BAZ1A: variants seen among roughly 807,000 people sequenced by gnomAD.
BAZ1A encodes the protein bromodomain adjacent to zinc finger domain protein 1A.
A neutral mutation model predicts 185.2 loss-of-function variants in BAZ1A; 50 were observed. The ratio of observed to expected loss-of-function variants is 0.27; its 90% confidence interval spans 0.22 to 0.34. BAZ1A has a LOEUF of 0.34. Among genes scored for constraint, BAZ1A ranks in the 10% least tolerant of loss-of-function variants. BAZ1A has a pLI of 1.00. For synonymous variants in BAZ1A, 571 were observed against 615.6 expected (o/e 0.93, Z 1.07); for missense variants, 1,356 against 1,839.9 (o/e 0.74, Z 4.81).
intron 14 of BAZ1A, among the ~76,000 whole-genome samples, chr14:34,784,384 A>C (rs987923163): frequency 1.3e-5 from 2 of 150,574 alleles, no homozygotes; most frequent in African/African-American, 4.9e-5. Flanking sequence ...AAAAAAAAAA[A>C]AAAAAAAAAA....
At chr14:34,789,665 G>A (rs2138626773) in intron 12 of BAZ1A, among the ~76,000 whole-genome samples, 1 of 152,230 alleles carries the variant, frequency 6.6e-6, no homozygotes, top group Non-Finnish European at 1.5e-5. Context: ...CATGATATAA[G>A]ACTAAAGAGA....
At chr14:34,803,894 C>T (rs1225245514) in intron 6 of BAZ1A, among the ~76,000 whole-genome samples, 1 of 152,204 alleles carries the variant, frequency 6.6e-6, no homozygotes, top group Non-Finnish European at 1.5e-5. Flanking sequence ...AGAAGTCAAA[C>T]TCATTCTTGC....
At chr14:34,844,627 T>C (rs1023252832) in intron 3 of BAZ1A, among the ~76,000 whole-genome samples, 2 of 150,846 alleles carry the variant, frequency 1.3e-5, no homozygotes, top group South Asian at 4.2e-4. Flanking sequence ...AAAAAAAAAT[T>C]AAAAATTAGC....
Position 34,783,154 on chromosome 14 carries a change from A to T in BAZ1A, c.2076T>A (p.Asp692Glu), listed in dbSNP as rs1236373741. ...MKEKQEKLKE[D>E]EQRNSTADIS... is the part of the protein sequence containing the mutation. Reference sequence around the variant, plus strand: ...TATCTGCCGTTGAATTTCTTTGCTCATCTTCTTTCAGTTTTTCTTGTTTCT... The same window carrying T: ...TATCTGCCGTTGAATTTCTTTGCTCTTCTTCTTTCAGTTTTTCTTGTTTCT... The change falls in exon 16 of 27, where the codon GAT becomes GAA. Residue 692 changes from aspartate to glutamate, a missense_variant. Physicochemically the swap from Asp to Glu is conservative, Grantham distance 45. Around this residue, in one of 7 missense-constraint regions of BAZ1A, gnomAD observed 434 missense variants for 561.7 expected, o/e 0.77. Transcript: ENST00000360310. 13 of 1,607,710 alleles carry T rather than the reference A, an allele frequency of 8.1e-6. No individual in the cohort carries two copies. The East Asian group carries it at 1.1e-4, about 14-fold the overall frequency.
At chr14:34,798,342 T>C (rs1426018498) in intron 9 of BAZ1A, among the ~76,000 whole-genome samples, 2 of 152,210 alleles carry the variant, frequency 1.3e-5, no homozygotes, top group South Asian at 2.1e-4. Context: ...AGCATGGTTT[T>C]TGAACTCTGA....
At chr14:34,865,694 A>G (rs1378550402) in intron 2 of BAZ1A, among the ~76,000 whole-genome samples, 2 of 152,230 alleles carry the variant, frequency 1.3e-5, no homozygotes, top group Non-Finnish European at 2.9e-5. Context: ...TTCAGTACAA[A>G]GAAGATCCTT....
chr14:34,844,794 C>A (rs1200376946), intron 3 of BAZ1A, among the ~76,000 whole-genome samples: 1 of 151,136 alleles, frequency 6.6e-6, no homozygotes, highest in Non-Finnish European at 1.5e-5. Context: ...CACACACACA[C>A]ACACACACAC....
intron 3 of BAZ1A, among the ~76,000 whole-genome samples, chr14:34,860,160 A>C (rs1273590118): frequency 2.0e-5 from 3 of 152,118 alleles, no homozygotes; most frequent in Non-Finnish European, 4.4e-5. Context: ...AACAGAGTAC[A>C]TTCAGAATGT....
intron 12 of BAZ1A, among the ~76,000 whole-genome samples, chr14:34,789,523 ATATT>A (rs1880706510): frequency 6.6e-6 from 1 of 152,220 alleles, no homozygotes; most frequent in East Asian, 1.9e-4. Context: ...TGCAACAGAT[ATATT>A]TATTGTCATG....
Position 34,862,268 on chromosome 14 carries a change from C to G in BAZ1A, c.168G>C (p.Val56=), listed in dbSNP as rs1407518198. The part of the protein sequence containing the change: ...LCNSLVWSCA[V]TGRPGLTYQE... ...GATACGTCAGTCCAGGTCTACCCGT[C>G]ACAGCACAACTCCACACAAGGCTGT... is the stretch of plus-strand genomic sequence containing the variant. Residue 56 remains valine, a synonymous_variant, in exon 3 of 27, where the codon GTG becomes GTC. Coordinates refer to ENST00000360310, the MANE Select transcript of BAZ1A (RefSeq NM_013448.3). The G allele has an allele frequency of 1.9e-6, 3 of 1,614,048 alleles. No individual in the cohort carries two copies. Among genetic ancestry groups the G allele is most frequent in the Admixed American group, 1.7e-5 (1 of 59,990 alleles).
chr14:34,756,464 C>CT (rs1343693112), intron 25 of BAZ1A, among the ~76,000 whole-genome samples: 1,851 of 106,876 alleles, frequency 0.017, 71 homozygotes, highest in African/African-American at 0.031. Context: ...GCCAGAATAC[C>CT]TATTTTTTTT....
intron 3 of BAZ1A, among the ~76,000 whole-genome samples, chr14:34,834,831 A>G (rs894744275): frequency 6.6e-6 from 1 of 152,178 alleles, no homozygotes; most frequent in Non-Finnish European, 1.5e-5. Flanking sequence ...AAAACAGAGA[A>G]TCATGAATTA....
At chr14:34,836,794 T>G (rs1003644771) in intron 3 of BAZ1A, among the ~76,000 whole-genome samples, 7 of 152,064 alleles carry the variant, frequency 4.6e-5, no homozygotes, top group Admixed American at 4.6e-4. Flanking sequence ...ACCAGAGCAT[T>G]TGAGCGAGTC....
chr14:34,830,213 T>C (rs1304955821), intron 3 of BAZ1A, among the ~76,000 whole-genome samples: 1 of 151,796 alleles, frequency 6.6e-6, no homozygotes, highest in African/African-American at 2.4e-5. Context: ...GTACTACTCA[T>C]AAGAGCCAAA....
At chr14:34,792,023 G>A (rs1880878456) in intron 12 of BAZ1A, among the ~76,000 whole-genome samples, 1 of 152,186 alleles carries the variant, frequency 6.6e-6, no homozygotes, top group Non-Finnish European at 1.5e-5. Flanking sequence ...TAACTCTGAT[G>A]TAAAAACTGT....
At chr14:34,863,156 T>C (rs1268989534) in intron 2 of BAZ1A, among the ~76,000 whole-genome samples, 1 of 76,630 alleles carries the variant, frequency 1.3e-5, no homozygotes, top group Non-Finnish European at 2.7e-5. Context: ...GCTCGGCTTT[T>C]TTTTTTTTTT....
chr14:34,847,960 A>C lies in BAZ1A; in HGVS notation c.392+14084T>G, dbSNP rs528351245. Among the ~76,000 whole-genome samples the C allele has an allele frequency of 2.0e-5, 3 of 152,118 alleles. No homozygotes were observed. The East Asian group carries it at 5.8e-4, about 29-fold the overall frequency. ...CTGCAACCTCTGCTTCCTGGGCTCT[A>C]GCAATCTTCCCACCTCAGTCTCCCA... On this transcript the variant is annotated intron_variant, in intron 3 of 26. Coordinates refer to ENST00000360310, the MANE Select transcript of BAZ1A (RefSeq NM_013448.3).
At chr14:34,794,682 T>A in intron 11 of BAZ1A, 67 bp downstream of exon 11, 1 of 1,518,560 alleles carries the variant, frequency 6.6e-7, no homozygotes, top group Non-Finnish European at 9.0e-7. Flanking sequence ...ACAAGGTGGC[T>A]TGTTTTTTTA....
chr14:34,808,452 C>T (rs182806558), intron 5 of BAZ1A, among the ~76,000 whole-genome samples: 4 of 152,108 alleles, frequency 2.6e-5, no homozygotes, highest in Admixed American at 6.5e-5. Context: ...GAGCCGAGAT[C>T]GTGCTGCTGC....
Sources: gnomAD v4.1 joint callset for allele counts (sites outside exome capture counted in the v4.1 genomes callset) on GRCh38, gnomAD v4.1.1 for gene constraint, gnomAD v4.1.1 regional missense constraint, MANE v1.5 for transcripts, NCBI Gene and HGNC (gene_info 2026-07-23, HGNC 2026-07-21) for gene names.